The following HCLS1 variants were observed in gnomAD, a reference collection of about 807,000 sequenced individuals.
HCLS1 encodes the protein hematopoietic cell-specific Lyn substrate 1.
In HCLS1, 44 loss-of-function variants were observed where a neutral mutation model predicts 68.6. The observed-to-expected ratio is 0.64, with a 90% CI of 0.50 to 0.82. The LOEUF (loss-of-function observed/expected upper bound fraction) is 0.82, where lower values mean the gene tolerates loss of function less well. Among genes scored for constraint, HCLS1 ranks in the 40% least tolerant of loss-of-function variants. HCLS1 has a pLI of 0.00. For missense variants in HCLS1, 602 were observed against 612.1 expected (o/e 0.98, Z 0.17); for synonymous variants, 217 against 225.8 (o/e 0.96, Z 0.35).
intron 1 of HCLS1, among the ~76,000 whole-genome samples, chr3:121,659,387 C>T (rs1411990440): frequency 6.6e-6 from 1 of 152,186 alleles, no homozygotes; most frequent in Non-Finnish European, 1.5e-5. Context: ...AGCTGGCAAT[C>T]CTTCCCTCCT....
At chr3:121,649,635 T>C (rs780344105) in intron 3 of HCLS1, among the ~76,000 whole-genome samples, 16 of 152,186 alleles carry the variant, frequency 1.1e-4, no homozygotes, top group Non-Finnish European at 2.4e-4. Flanking sequence ...AAAAATGTTT[T>C]ATGTATGGAG....
Position 121,632,416 on chromosome 3 carries a change from T to A in HCLS1, c.1156A>T (p.Arg386Trp). 1.2e-6 allele frequency: 2 copies of A among 1,614,022 alleles called. No individual in the cohort carries two copies. Among genetic ancestry groups the A allele is most frequent in the Non-Finnish European group, 1.7e-6 (2 of 1,179,934 alleles). Residue 386 changes from arginine (R) to tryptophan (W), a missense_variant, in exon 12 of 14, where the codon AGG becomes TGG. By Grantham distance (101) the Arg-to-Trp change is moderately radical (BLOSUM62 -3). Coordinates refer to ENST00000314583, the MANE Select transcript of HCLS1 (RefSeq NM_005335.6). ...NDYEDVEEMD[R>W]HEQEDEPEGD... ...TCTGGTTCATCCTCCTGCTCATGCC[T>A]GTCCATCTCCTCAACGTCCTCATAG...
chr3:121,632,666 C>T (rs2049111616), intron 11 of HCLS1, 103 bp from the exon 12 acceptor site: 1 of 985,218 alleles, frequency 1.0e-6, no homozygotes, highest in Non-Finnish European at 1.5e-6. Context: ...CTCTTCTCCC[C>T]TCTACCCTTG....
At chr3:121,644,496 AAAG>A (rs2049227477) in intron 5 of HCLS1, 1 of 406,062 alleles carries the variant, frequency 2.5e-6, no homozygotes, top group Non-Finnish European at 4.7e-6. Flanking sequence ...TGTTAAGCCA[AAAG>A]AAGAGCTTAG....
In HCLS1 at chr3:121,632,200, C is replaced by G; in HGVS notation, c.1241-16G>C. The G allele has an allele frequency of 6.2e-7, 1 of 1,613,206 alleles. No individual in the cohort carries two copies. The highest frequency in any genetic ancestry group is 1.1e-5 in the South Asian group (1 of 91,040). On this transcript the variant is annotated splice_polypyrimidine_tract_variant and intron_variant, in intron 12 of 13. Coordinates refer to ENST00000314583, the MANE Select transcript of HCLS1 (RefSeq NM_005335.6). ...CCTGATGATCCTGCATAATGAGAAA[C>G]ACAAACATGGGATCATCAACATGAA... is the stretch of plus-strand genomic sequence containing the variant.
intron 6 of HCLS1, among the ~76,000 whole-genome samples, chr3:121,639,095 G>C (rs2049175425): frequency 6.6e-6 from 1 of 151,526 alleles, no homozygotes; most frequent in Non-Finnish European, 1.5e-5. Context: ...AAGAGAAATA[G>C]ACAAATCTGT....
In HCLS1 at chr3:121,632,402, C is replaced by T; in HGVS notation, c.1170G>A (p.Glu390=). The T allele has an allele frequency of 1.2e-6, 2 of 1,613,660 alleles. No individual in the cohort carries two copies. Among genetic ancestry groups the T allele is most frequent in the African/African-American group, 2.7e-5 (2 of 74,594 alleles). Residue 390 remains glutamate (E), a synonymous_variant, in exon 12 of 14, where the codon GAG becomes GAA. Transcript: ENST00000314583. ...CCTCATAGTCCCCCTCTGGTTCATC[C>T]TCCTGCTCATGCCTGTCCATCTCCT... ...DVEEMDRHEQ[E]DEPEGDYEEV...
At chr3:121,658,992 G>A (rs1355594542) in intron 1 of HCLS1, among the ~76,000 whole-genome samples, 1 of 152,044 alleles carries the variant, frequency 6.6e-6, no homozygotes, top group East Asian at 1.9e-4. Flanking sequence ...TTATTTGCTG[G>A]GAATAAGTCA....
intron 1 of HCLS1, among the ~76,000 whole-genome samples, chr3:121,658,971 T>C (rs951135671): frequency 6.6e-6 from 1 of 152,170 alleles, no homozygotes; most frequent in Non-Finnish European, 1.5e-5. Context: ...GAACAATGCA[T>C]TGGGAGAGCA....
At chr3:121,635,334 G>A (rs564588266) in intron 9 of HCLS1, among the ~76,000 whole-genome samples, 1 of 149,446 alleles carries the variant, frequency 6.7e-6, no homozygotes, top group East Asian at 2.0e-4. Flanking sequence ...CTGGAGTTGA[G>A]TGGCATGATC....
chr3:121,644,843 C>T lies in HCLS1; in HGVS notation c.374G>A (p.Gly125Glu), dbSNP rs1256686350. Residue 125 changes from glycine to glutamate, a missense_variant, in exon 5 of 14, where the codon GGA becomes GAA. Transcript: ENST00000314583. ...DAAKGFGGKY[G>E]VERDRADKSA... ...CTTGTCTGCCCTGTCCCTCTCAACT[C>T]CGTACTTGCCCCCAAAGCCTTTGGC... is the stretch of plus-strand genomic sequence containing the variant. The T allele has an allele frequency of 1.9e-6, 3 of 1,613,960 alleles. No homozygotes were observed. In the African/African-American group the frequency reaches 4.0e-5, roughly 22 times the overall value.
intron 3 of HCLS1, among the ~76,000 whole-genome samples, chr3:121,651,244 T>C (rs1937743019): frequency 6.6e-6 from 1 of 152,100 alleles, no homozygotes; most frequent in Admixed American, 6.5e-5. Flanking sequence ...TATAAAGAAC[T>C]TTCAGCAACT....
At chr3:121,655,869 G>T (rs903953597) in intron 3 of HCLS1, among the ~76,000 whole-genome samples, 3 of 122,110 alleles carry the variant, frequency 2.5e-5, no homozygotes, top group Non-Finnish European at 5.4e-5. Context: ...TATTTATTGA[G>T]ACTGAGTCTC....
At chr3:121,635,878 G>T in intron 8 of HCLS1, 74 bp from the exon 9 acceptor site, 1 of 1,147,298 alleles carries the variant, frequency 8.7e-7, no homozygotes, top group Non-Finnish European at 1.3e-6. Flanking sequence ...TAGTATTGGG[G>T]GTTGGGGGCC....
chr3:121,637,092 A>G, intron 7 of HCLS1, 54 bp downstream of exon 7: 1 of 1,258,930 alleles, frequency 7.9e-7, no homozygotes, highest in Non-Finnish European at 1.2e-6. Context: ...CCAGAAAGGA[A>G]GGAAGGAGAT....
At chr3:121,650,659 T>C (rs776577764) in intron 3 of HCLS1, among the ~76,000 whole-genome samples, 39 of 152,222 alleles carry the variant, frequency 2.6e-4, no homozygotes, top group Admixed American at 1.4e-3. Context: ...AAATGGGTCA[T>C]AGACTTAAAT....
At chr3:121,657,486 C>A in intron 2 of HCLS1, 134 bp from the exon 3 acceptor site, 1 of 741,162 alleles carries the variant, frequency 1.3e-6, no homozygotes, top group Non-Finnish European at 2.3e-6. Context: ...ATTCACATCC[C>A]CTCTATATTT....
intron 6 of HCLS1, among the ~76,000 whole-genome samples, chr3:121,640,961 G>A (rs2049192812): frequency 6.6e-6 from 1 of 151,996 alleles, no homozygotes; most frequent in African/African-American, 2.4e-5. Flanking sequence ...TACAGCTAAA[G>A]GAAGAATTAG....
chr3:121,647,276 C>G (rs9818402), intron 4 of HCLS1, 43 bp downstream of exon 4: 1 of 1,607,516 alleles, frequency 6.2e-7, no homozygotes, highest in Non-Finnish European at 8.5e-7. Flanking sequence ...CCACCGCACC[C>G]GGCTTGTATT....
Sources: allele counts gnomAD v4.1 joint callset (sites outside exome capture counted in the v4.1 genomes callset), GRCh38; gene constraint gnomAD v4.1.1; transcripts MANE v1.5; gene names NCBI Gene and HGNC (gene_info 2026-07-23, HGNC 2026-07-21).